The following CDKAL1 variants were observed in gnomAD, a reference collection of about 807,000 sequenced individuals.
CDKAL1 encodes threonylcarbamoyladenosine tRNA methylthiotransferase.
A neutral mutation model predicts 68.2 loss-of-function variants in CDKAL1; 32 were observed. That is an observed-to-expected ratio of 0.47 (90% CI 0.35 to 0.63). CDKAL1 has a LOEUF of 0.63. Ranked by LOEUF, CDKAL1 falls within the 30% of genes least tolerant of loss-of-function variation. The pLI is 0.00. For synonymous variants in CDKAL1, 234 were observed against 244.3 expected, an observed-to-expected ratio of 0.96 and a Z score of 0.39; for missense variants, 606 against 696.7, an observed-to-expected ratio of 0.87 and a Z score of 1.47.
intron 13 of CDKAL1, among the ~76,000 whole-genome samples, chr6:21,156,681 C>A (rs931571914): frequency 6.6e-6 from 1 of 152,050 alleles, no homozygotes; most frequent in East Asian, 1.9e-4. Context: ...GAAGGAAGAA[C>A]GATGGATGTA....
intron 9 of CDKAL1, among the ~76,000 whole-genome samples, chr6:20,861,182 A>G (rs1006080385): frequency 3.3e-5 from 5 of 152,208 alleles, no homozygotes; most frequent in African/African-American, 1.2e-4. Flanking sequence ...AGTGGATCCC[A>G]AAGTCCCAAA....
At chr6:21,063,424 T>C (rs1479821295) in intron 11 of CDKAL1, among the ~76,000 whole-genome samples, 1 of 152,196 alleles carries the variant, frequency 6.6e-6, no homozygotes, top group Non-Finnish European at 1.5e-5. Context: ...GATGCCAACA[T>C]TTGGGCCTAT....
intron 13 of CDKAL1, among the ~76,000 whole-genome samples, chr6:21,139,021 T>C (rs1201142749): frequency 2.0e-5 from 3 of 152,212 alleles, no homozygotes; most frequent in Non-Finnish European, 4.4e-5. Flanking sequence ...TTACAAGATA[T>C]ACATTATTGA....
intron 11 of CDKAL1, among the ~76,000 whole-genome samples, chr6:21,052,505 CA>C (rs1770594478): frequency 6.6e-6 from 1 of 151,630 alleles, no homozygotes; most frequent in Non-Finnish European, 1.5e-5. Context: ...CACACCACCA[CA>C]CCTGGCTAAT....
At chr6:20,649,179 T>C (rs1234620226) in intron 4 of CDKAL1, 114 bp from the exon 5 acceptor site, 1 of 691,930 alleles carries the variant, frequency 1.4e-6, no homozygotes, top group Non-Finnish European at 2.5e-6. Context: ...AATTGCCTGT[T>C]CATTTTACTC....
At chr6:20,851,766 G>A (rs1221476864) in intron 9 of CDKAL1, among the ~76,000 whole-genome samples, 1 of 151,458 alleles carries the variant, frequency 6.6e-6, no homozygotes, top group Non-Finnish European at 1.5e-5. Flanking sequence ...ATACTATCTA[G>A]TATGTATAAG....
intron 4 of CDKAL1, among the ~76,000 whole-genome samples, chr6:20,598,631 G>C (rs1272881792): frequency 2.0e-5 from 3 of 152,112 alleles, no homozygotes; most frequent in Non-Finnish European, 2.9e-5. Context: ...CATATGAAAC[G>C]AGGATCAAAT....
intron 5 of CDKAL1, among the ~76,000 whole-genome samples, chr6:20,705,878 T>C (rs1771570165): frequency 6.6e-6 from 1 of 152,234 alleles, no homozygotes; most frequent in African/African-American, 2.4e-5. Flanking sequence ...GCTACCTGTG[T>C]CACTTGTCCT....
chr6:21,201,584 G>A (rs1778694921), intron 15 of CDKAL1, among the ~76,000 whole-genome samples: 2 of 152,176 alleles, frequency 1.3e-5, no homozygotes, highest in South Asian at 2.1e-4. Flanking sequence ...ATGTTTCTAT[G>A]TCAGTAGATC....
intron 4 of CDKAL1, among the ~76,000 whole-genome samples, chr6:20,585,337 C>T (rs571230296): frequency 4.3e-4 from 65 of 152,328 alleles, no homozygotes; most frequent in African/African-American, 1.5e-3. Flanking sequence ...CAGGCGTGAG[C>T]CACTGCGCCC....
intron 13 of CDKAL1, among the ~76,000 whole-genome samples, chr6:21,157,550 T>A (rs1239977256): frequency 6.6e-6 from 1 of 152,262 alleles, no homozygotes; most frequent in Non-Finnish European, 1.5e-5. Flanking sequence ...TGTTTATTTG[T>A]TTTTGTAGTT....
intron 5 of CDKAL1, among the ~76,000 whole-genome samples, chr6:20,677,097 G>A (rs1770150322): frequency 6.6e-6 from 1 of 152,006 alleles, no homozygotes; most frequent in South Asian, 2.1e-4. Flanking sequence ...GTGTGATAGA[G>A]TCTTGCTCTG....
intron 9 of CDKAL1, among the ~76,000 whole-genome samples, chr6:20,934,636 G>A (rs910877880): frequency 6.6e-6 from 1 of 152,030 alleles, no homozygotes; most frequent in Non-Finnish European, 1.5e-5. Flanking sequence ...CTTGAGCCCA[G>A]GAGTTCAAGA....
chr6:20,920,421 TA>T (rs1245252507), intron 9 of CDKAL1, among the ~76,000 whole-genome samples: 1 of 152,210 alleles, frequency 6.6e-6, no homozygotes, highest in African/African-American at 2.4e-5. Flanking sequence ...GTGAATAGAA[TA>T]ATCAGACTCA....
chr6:20,613,033 AC>A (rs1561966406), intron 4 of CDKAL1, among the ~76,000 whole-genome samples: 1 of 140,346 alleles, frequency 7.1e-6, no homozygotes, highest in Non-Finnish European at 1.5e-5. Context: ...ACACACACAC[AC>A]ACACACACAC....
At chr6:20,891,022 G>A (rs974361490) in intron 9 of CDKAL1, among the ~76,000 whole-genome samples, 2 of 152,062 alleles carry the variant, frequency 1.3e-5, no homozygotes, top group African/African-American at 2.4e-5. Context: ...CAGGTGAAAG[G>A]ATAAATAATT....
chr6:21,014,568 G>A (rs914537816), intron 11 of CDKAL1, among the ~76,000 whole-genome samples: 14 of 150,704 alleles, frequency 9.3e-5, no homozygotes. Flanking sequence ...CCAAGATCAC[G>A]CCACTGCACT....
At chr6:21,114,887 T>TC (rs1259050757) in intron 13 of CDKAL1, among the ~76,000 whole-genome samples, 2 of 152,220 alleles carry the variant, frequency 1.3e-5, no homozygotes, top group Non-Finnish European at 2.9e-5. Flanking sequence ...TAATCACACT[T>TC]CCTATGACTA....
chr6:20,703,354 A>G (rs1437144599), intron 5 of CDKAL1, among the ~76,000 whole-genome samples: 10 of 152,330 alleles, frequency 6.6e-5, no homozygotes, highest in East Asian at 5.8e-4. Flanking sequence ...GATAGAGACT[A>G]TATGGCTCAC....
Sources: gnomAD v4.1 joint callset for allele counts (sites outside exome capture counted in the v4.1 genomes callset) on GRCh38, gnomAD v4.1.1 for gene constraint, MANE v1.5 for transcripts, NCBI Gene and HGNC (gene_info 2026-07-23, HGNC 2026-07-21) for gene names.